Variants in TTC29 observed in about 807,000 individuals in gnomAD.
TTC29 encodes the protein tetratricopeptide repeat protein 29.
Under a neutral mutation model 58.1 loss-of-function variants are expected in TTC29, and 49 were observed. The observed-to-expected ratio is 0.84, with a 90% CI of 0.67 to 1.07. The LOEUF is 1.07. TTC29 is among the 50% of genes least tolerant of loss of function. TTC29 has a pLI of 0.00. For missense variants in TTC29, 582 were observed against 555.6 expected (o/e 1.05, Z -0.48); for synonymous variants, 209 against 196.8 (o/e 1.06, Z -0.52).
chr4:146,729,231 G>A (rs981031846), intron 11 of TTC29, among the ~76,000 whole-genome samples: 3 of 152,000 alleles, frequency 2.0e-5, no homozygotes, highest in Non-Finnish European at 4.4e-5. Context: ...AACATTTGCT[G>A]ATCTGATAGC....
At chr4:146,919,645 C>T (rs1385068969) in intron 4 of TTC29, among the ~76,000 whole-genome samples, 1 of 151,094 alleles carries the variant, frequency 6.6e-6, no homozygotes, top group Non-Finnish European at 1.5e-5. Flanking sequence ...CATCTTCACA[C>T]TGACACTCTG....
intron 8 of TTC29, among the ~76,000 whole-genome samples, chr4:146,849,678 A>G (rs1729392871): frequency 6.6e-6 from 1 of 152,044 alleles, no homozygotes; most frequent in Non-Finnish European, 1.5e-5. Flanking sequence ...CTTAGAAAAA[A>G]AAAAAGTCAT....
Position 146,903,593 on chromosome 4 carries a change from C to T in TTC29, c.537G>A (p.Lys179=). 6.2e-7 allele frequency: 1 copy of T among 1,612,606 alleles called. No individual in the cohort carries two copies. Residue 179 remains lysine (K), a synonymous_variant, in exon 6 of 13, where the codon AAG becomes AAA. Coordinates refer to ENST00000325106, the MANE Select transcript of TTC29 (RefSeq NM_031956.4). ...TATGCATGTGTGCCTCGGCTTCTTT[C>T]TTCCCACAGTCAATTTTGATCAGCT... ...IAQLIKIDCG[K]KEAEAHMHMG...
At chr4:146,760,302 G>A (rs529936289) in intron 11 of TTC29, among the ~76,000 whole-genome samples, 20 of 151,970 alleles carry the variant, frequency 1.3e-4, no homozygotes, top group African/African-American at 4.3e-4. Flanking sequence ...ACAAACAAAC[G>A]GAAACACATC....
intron 10 of TTC29, among the ~76,000 whole-genome samples, chr4:146,816,864 A>G (rs1406344960): frequency 2.0e-5 from 3 of 152,208 alleles, no homozygotes; most frequent in Non-Finnish European, 4.4e-5. Flanking sequence ...TTCTGAAATA[A>G]AGTCAATTTT....
At chr4:146,794,578 A>G (rs1396046516) in intron 11 of TTC29, among the ~76,000 whole-genome samples, 1 of 151,852 alleles carries the variant, frequency 6.6e-6, no homozygotes, top group Non-Finnish European at 1.5e-5. Context: ...TTTCCTATTG[A>G]TCTTGAAGCT....
At chr4:146,749,191 G>A (rs1379368918) in intron 11 of TTC29, among the ~76,000 whole-genome samples, 2 of 151,242 alleles carry the variant, frequency 1.3e-5, no homozygotes, top group Non-Finnish European at 2.9e-5. Flanking sequence ...GGTGGTGCAT[G>A]TTTGTAGTCC....
At chr4:146,943,169 C>CTTTTTTT (rs61184684) in intron 2 of TTC29, among the ~76,000 whole-genome samples, 3 of 59,474 alleles carry the variant, frequency 5.0e-5, no homozygotes, top group Non-Finnish European at 1.1e-4. Flanking sequence ...ATCAACTGTG[C>CTTTTTTT]TTTTTTTTTT....
At chr4:146,878,369 C>T (rs1248428078) in intron 6 of TTC29, among the ~76,000 whole-genome samples, 1 of 152,074 alleles carries the variant, frequency 6.6e-6, no homozygotes, top group African/African-American at 2.4e-5. Flanking sequence ...CTACTCTTTC[C>T]TGAAGGCCTA....
chr4:146,869,369 C>G (rs1359422114), intron 7 of TTC29, among the ~76,000 whole-genome samples: 1 of 152,128 alleles, frequency 6.6e-6, no homozygotes, highest in Non-Finnish European at 1.5e-5. Context: ...TCTTCTCTAG[C>G]TATTTCCCTG....
At chr4:146,751,278 TACCCC>T (rs1203857275) in intron 11 of TTC29, among the ~76,000 whole-genome samples, 2 of 152,214 alleles carry the variant, frequency 1.3e-5, no homozygotes, top group African/African-American at 2.4e-5. Flanking sequence ...CAGATTTCAA[TACCCC>T]ACTTTAAATG....
chr4:146,800,874 C>A (rs984463855), intron 11 of TTC29, among the ~76,000 whole-genome samples: 1 of 152,038 alleles, frequency 6.6e-6, no homozygotes, highest in Non-Finnish European at 1.5e-5. Flanking sequence ...ACAGAAATGG[C>A]CGTGGTAGGA....
chr4:146,816,552 C>T, intron 10 of TTC29, among the ~76,000 whole-genome samples: 1 of 151,534 alleles, frequency 6.6e-6, no homozygotes, highest in African/African-American at 2.4e-5. Context: ...GATAGGATGA[C>T]CCAGGGGTCA....
intron 10 of TTC29, among the ~76,000 whole-genome samples, chr4:146,804,507 T>C (rs76746008): frequency 0.062 from 9,496 of 152,186 alleles, 398 homozygotes; most frequent in Admixed American, 0.13. Context: ...ACTGCCAGCA[T>C]AGCAGTCTGA....
intron 11 of TTC29, among the ~76,000 whole-genome samples, chr4:146,771,514 G>C (rs1747725026): frequency 6.6e-6 from 1 of 151,964 alleles, no homozygotes; most frequent in Non-Finnish European, 1.5e-5. Flanking sequence ...TGCAGTATTT[G>C]GTTTTCTGTT....
At chr4:146,862,841 G>T (rs1397970629) in intron 8 of TTC29, among the ~76,000 whole-genome samples, 1 of 152,094 alleles carries the variant, frequency 6.6e-6, no homozygotes, top group East Asian at 1.9e-4. Flanking sequence ...ACTAAACCTG[G>T]GCCAGGCGTG....
chr4:146,739,822 C>G (rs563520782), intron 11 of TTC29, among the ~76,000 whole-genome samples: 1 of 152,262 alleles, frequency 6.6e-6, no homozygotes. Flanking sequence ...GTGGTGGGGA[C>G]TGCTAGTTAA....
intron 4 of TTC29, among the ~76,000 whole-genome samples, chr4:146,927,631 A>C (rs1735030224): frequency 6.6e-6 from 1 of 152,116 alleles, no homozygotes; most frequent in Non-Finnish European, 1.5e-5. Flanking sequence ...ATAGTATGTT[A>C]AATATTAATA....
chr4:146,833,147 C>A (rs1328086369), intron 9 of TTC29, among the ~76,000 whole-genome samples: 1 of 151,782 alleles, frequency 6.6e-6, no homozygotes, highest in African/African-American at 2.4e-5. Flanking sequence ...ATAGTAAAAA[C>A]CAAGGCCTTA....
Sources: gnomAD v4.1 joint callset for allele counts (sites outside exome capture counted in the v4.1 genomes callset) on GRCh38, gnomAD v4.1.1 for gene constraint, MANE v1.5 for transcripts, NCBI Gene and HGNC (gene_info 2026-07-23, HGNC 2026-07-21) for gene names.